JMY: variants seen among roughly 807,000 people sequenced by gnomAD.
The protein encoded by JMY is junction mediating and regulatory protein, p53 cofactor.
Under a neutral mutation model 103.3 loss-of-function variants are expected in JMY, and 46 were observed. The ratio of observed to expected loss-of-function variants is 0.45; its 90% CI spans 0.35 to 0.57. JMY has a LOEUF of 0.57. JMY is among the 20% of genes least tolerant of loss of function. The probability of loss-of-function intolerance (pLI) is 0.00; values close to 1 mark genes in which losing one functional copy is unlikely to be tolerated. For missense variants in JMY, 1,238 were observed against 1,255.2 expected, an observed-to-expected ratio of 0.99 and a Z score of 0.21; for synonymous variants, 526 against 489.3, an observed-to-expected ratio of 1.07 and a Z score of -0.99.
intron 1 of JMY, among the ~76,000 whole-genome samples, chr5:79,265,921 C>T (rs946854019): frequency 1.9e-4 from 29 of 152,018 alleles, no homozygotes; most frequent in African/African-American, 6.8e-4. Context: ...GCTGGGATTA[C>T]TGGCATATGC....
At chr5:79,301,081 C>T (rs1484626658) in intron 6 of JMY, among the ~76,000 whole-genome samples, 1 of 152,116 alleles carries the variant, frequency 6.6e-6, no homozygotes, top group African/African-American at 2.4e-5. Flanking sequence ...CTAATGGTGA[C>T]TCTGCTAAAG....
intron 1 of JMY, among the ~76,000 whole-genome samples, chr5:79,263,046 T>C (rs1385544553): frequency 6.6e-6 from 1 of 152,186 alleles, no homozygotes; most frequent in Non-Finnish European, 1.5e-5. Flanking sequence ...TACTGTTGAA[T>C]TGTGGCATTT....
At chr5:79,263,634 G>A (rs965668219) in intron 1 of JMY, among the ~76,000 whole-genome samples, 1 of 151,370 alleles carries the variant, frequency 6.6e-6, no homozygotes, top group African/African-American at 2.4e-5. Context: ...ACCTCAAGGT[G>A]TTCCAAAGTG....
intron 2 of JMY, among the ~76,000 whole-genome samples, chr5:79,279,700 C>A: frequency 6.6e-6 from 1 of 151,978 alleles, no homozygotes; most frequent in African/African-American, 2.4e-5. Flanking sequence ...TTTATCAATA[C>A]TTTTGGAAAA....
rs748400268 is a variant in JMY, at chr5:79,314,423, G to T, written c.2231G>T (p.Arg744Leu). The change falls in exon 9 of 11, where the codon CGT becomes CTT. Residue 744 changes from arginine (R) to leucine (L), a missense_variant. Transcript: ENST00000396137. ...TEEVGEGRVK[R>L]GPSQTTEPQS... is the part of the protein sequence containing the mutation. ...GAGGTGGGAGAAGGAAGAGTCAAGCGTGGGCCATCACAGACAACAGAACCC... is the reference window on the plus strand; with the variant it reads ...GAGGTGGGAGAAGGAAGAGTCAAGCTTGGGCCATCACAGACAACAGAACCC... 5 of 1,614,126 alleles carry T rather than the reference G, an allele frequency of 3.1e-6. No homozygotes were observed. Among genetic ancestry groups the T allele is most frequent in the Non-Finnish European group, 4.2e-6 (5 of 1,180,016 alleles).
rs753440528 is a variant in JMY at position 79,300,200 on chromosome 5, G to C, written c.1575G>C (p.Gln525His). Residue 525 changes from glutamine (Q) to histidine (H), a missense_variant, in exon 5 of 11, where the codon CAG (glutamine) becomes CAC (histidine). Gln to His is a conservative substitution (Grantham distance 24). Coordinates refer to ENST00000396137, the MANE Select transcript of JMY (RefSeq NM_152405.5). ...CAGAAGCGATAGCACGATTGGATCA[G>C]TTAGAAGCTGATTATTATGATCTGC... ...GGTEAIARLD[Q>H]LEADYYDLQL... 3 of 1,612,772 alleles carry C rather than the reference G, an allele frequency of 1.9e-6. No homozygotes were observed. The highest frequency in any genetic ancestry group is 2.5e-6 in the Non-Finnish European group (3 of 1,179,402).
intron 1 of JMY, among the ~76,000 whole-genome samples, chr5:79,276,788 G>A (rs934227117): frequency 6.6e-6 from 1 of 151,954 alleles, no homozygotes; most frequent in Non-Finnish European, 1.5e-5. Context: ...TGTATTTTTA[G>A]TAGAGACGGG....
At chr5:79,272,276 C>T (rs1745808584) in intron 1 of JMY, among the ~76,000 whole-genome samples, 2 of 152,128 alleles carry the variant, frequency 1.3e-5, no homozygotes, top group African/African-American at 2.4e-5. Context: ...CTCTTCTAGG[C>T]AACATATAAT....
intron 1 of JMY, among the ~76,000 whole-genome samples, chr5:79,250,960 A>G (rs1224325621): frequency 1.3e-5 from 2 of 152,200 alleles, no homozygotes; most frequent in South Asian, 2.1e-4. Context: ...AATATATTTA[A>G]TAATTGAGAA....
intron 2 of JMY, 130 bp from the exon 3 acceptor site, chr5:79,289,991 T>G (rs1580357784): frequency 1.5e-6 from 1 of 648,220 alleles, no homozygotes; most frequent in East Asian, 2.8e-5. Context: ...TCACTTGTTT[T>G]GTAAACTAAT....
intron 1 of JMY, among the ~76,000 whole-genome samples, chr5:79,250,346 C>T (rs950841240): frequency 1.3e-5 from 2 of 152,224 alleles, no homozygotes; most frequent in African/African-American, 4.8e-5. Context: ...TATTCGTTGA[C>T]ATCACAGGAC....
intron 1 of JMY, among the ~76,000 whole-genome samples, chr5:79,271,342 C>G (rs927848822): frequency 2.6e-5 from 4 of 152,108 alleles, no homozygotes; most frequent in African/African-American, 9.6e-5. Flanking sequence ...TGTAGTTTTT[C>G]TTTCTTGTAG....
In JMY at chr5:79,326,132, A is replaced by C. The variant is rs968836853; in HGVS notation, c.*4530A>C. On this transcript the variant is annotated 3_prime_UTR_variant, in exon 11 of 11. Transcript: ENST00000396137. ...AAATAACTGATGAATGTTATTTCAC[A>C]CTGAATCTCAAAGCAGTCATTTGTT... 3.3e-5 allele frequency: 5 copies of C among 152,172 alleles called. No homozygotes were observed. The highest frequency in any genetic ancestry group is 2.0e-4 in the Admixed American group (3 of 15,270). 9.4% of individuals were successfully genotyped at this position (152,172 alleles called of 1,614,324 possible).
chr5:79,306,372 C>T lies in JMY; in HGVS notation c.1882-3C>T. ...TATTAAAACACATTTTATGTATTTA[C>T]AGGAAATATGTATTGCAAAACACAA... On this transcript the variant is annotated splice_polypyrimidine_tract_variant and splice_region_variant and intron_variant, in intron 6 of 10. Transcript: ENST00000396137. The T allele has an allele frequency of 1.2e-6, 2 of 1,601,468 alleles. No individual in the cohort carries two copies. Among genetic ancestry groups the T allele is most frequent in the Non-Finnish European group, 1.7e-6 (2 of 1,169,080 alleles).
At chr5:79,301,339 G>A (rs1746728540) in intron 6 of JMY, among the ~76,000 whole-genome samples, 1 of 152,116 alleles carries the variant, frequency 6.6e-6, no homozygotes, top group South Asian at 2.1e-4. Flanking sequence ...GTTAACTATC[G>A]TGGAGCTGTT....
At chr5:79,296,863 C>T (rs1370536216) in intron 4 of JMY, among the ~76,000 whole-genome samples, 1 of 152,106 alleles carries the variant, frequency 6.6e-6, no homozygotes, top group Non-Finnish European at 1.5e-5. Context: ...CAAAAAGTGC[C>T]ATCTGGTTTC....
intron 8 of JMY, among the ~76,000 whole-genome samples, chr5:79,313,296 G>A (rs1011154101): frequency 2.0e-5 from 3 of 152,152 alleles, no homozygotes; most frequent in African/African-American, 7.2e-5. Flanking sequence ...GAACATGCCT[G>A]TGGTTCCGGC....
chr5:79,282,909 G>GT (rs1746160943), intron 2 of JMY, among the ~76,000 whole-genome samples: 1 of 151,670 alleles, frequency 6.6e-6, no homozygotes, highest in Admixed American at 6.6e-5. Context: ...TGGTTGGAAT[G>GT]TTATTATATT....
intron 1 of JMY, among the ~76,000 whole-genome samples, chr5:79,262,889 G>A (rs903240322): frequency 1.3e-5 from 2 of 152,212 alleles, no homozygotes; most frequent in Non-Finnish European, 2.9e-5. Flanking sequence ...ACATATTTGT[G>A]TACAGTGGTA....
Sources: allele counts gnomAD v4.1 joint callset (sites outside exome capture counted in the v4.1 genomes callset), GRCh38; gene constraint gnomAD v4.1.1; transcripts MANE v1.5; gene names NCBI Gene and HGNC (gene_info 2026-07-23, HGNC 2026-07-21).